Variants in PTPRM observed in about 807,000 individuals in gnomAD.
PTPRM encodes the protein protein tyrosine phosphatase receptor type M, also known as receptor-type tyrosine-protein phosphatase mu.
Under a neutral mutation model 186.7 loss-of-function variants are expected in PTPRM, and 47 were observed. The observed-to-expected ratio is 0.25, with a 90% CI of 0.20 to 0.32. PTPRM has a LOEUF of 0.32. Among genes scored for constraint, PTPRM ranks in the 10% least tolerant of loss-of-function variants. PTPRM has a pLI of 1.00. For synonymous variants in PTPRM, 668 were observed against 674.9 expected, an observed-to-expected ratio of 0.99 and a Z score of 0.16; for missense variants, 1,494 against 1,865.0, an observed-to-expected ratio of 0.80 and a Z score of 3.66.
chr18:7,674,918 T>A (rs1021919478), intron 1 of PTPRM, among the ~76,000 whole-genome samples: 1 of 152,224 alleles, frequency 6.6e-6, no homozygotes, highest in African/African-American at 2.4e-5. Context: ...TCAGTCCCAG[T>A]GTTTCAAACG....
intron 31 of PTPRM, among the ~76,000 whole-genome samples, chr18:8,390,581 G>C (rs995388069): frequency 1.3e-5 from 2 of 152,152 alleles, no homozygotes; most frequent in Non-Finnish European, 2.9e-5. Context: ...GAAAATGATA[G>C]ACAACTCAAT....
chr18:7,827,910 T>C (rs908814079), intron 2 of PTPRM, among the ~76,000 whole-genome samples: 3 of 152,222 alleles, frequency 2.0e-5, no homozygotes, highest in Non-Finnish European at 4.4e-5. Flanking sequence ...TACAGGGCTA[T>C]TTACCAGACA....
At position 7,607,487 on chromosome 18, in the gene PTPRM, T is replaced by C. The variant is rs1305096593; in HGVS notation, c.73+39596T>C. 2.6e-5 allele frequency among the ~76,000 whole-genome samples: 4 copies of C among 152,148 alleles called. No individual in the cohort carries two copies. In the East Asian group the frequency reaches 7.7e-4, roughly 29 times the overall value. On this transcript the variant is annotated intron_variant, in intron 1 of 32. Coordinates refer to ENST00000580170, the MANE Select transcript of PTPRM (RefSeq NM_001105244.2). ...GGCTGGAGCTTGCACTCGGGAGCCG[T>C]ATTTCTGGGTTCAGATCTTGACACC...
intron 14 of PTPRM, among the ~76,000 whole-genome samples, chr18:8,226,078 T>G (rs1412874987): frequency 1.3e-5 from 2 of 152,140 alleles, no homozygotes; most frequent in African/African-American, 4.8e-5. Context: ...AATTATAAGA[T>G]GCCATCTTTT....
intron 19 of PTPRM, among the ~76,000 whole-genome samples, chr18:8,280,405 G>A (rs966346667): frequency 4.2e-5 from 2 of 47,778 alleles, no homozygotes; most frequent in African/African-American, 2.2e-4. Context: ...ATTTGTGGTC[G>A]GGGGTGGGGG....
At chr18:8,054,297 TA>T (rs2087737323) in intron 7 of PTPRM, among the ~76,000 whole-genome samples, 1 of 22,810 alleles carries the variant, frequency 4.4e-5, no homozygotes, top group African/African-American at 1.6e-4. Context: ...CTAGTAGTAG[TA>T]ATATATATAT....
At chr18:8,051,487 A>G (rs1227419006) in intron 7 of PTPRM, among the ~76,000 whole-genome samples, 3 of 152,170 alleles carry the variant, frequency 2.0e-5, no homozygotes, top group Admixed American at 1.3e-4. Context: ...ATTTTTATGT[A>G]AATTTTTCCT....
chr18:7,675,401 C>G (rs117650759), intron 1 of PTPRM, among the ~76,000 whole-genome samples: 2,031 of 152,208 alleles, frequency 0.013, 24 homozygotes, highest in Non-Finnish European at 0.023. Flanking sequence ...AGCCCTTGTT[C>G]CAGAGCACAC....
Position 7,669,738 on chromosome 18 carries a change from T to C in PTPRM, c.73+101847T>C, listed in dbSNP as rs192283627. 3.2e-3 allele frequency among the ~76,000 whole-genome samples: 486 copies of C among 152,230 alleles called. 5 individuals are homozygous for C. The highest frequency in any genetic ancestry group is 0.011 in the African/African-American group (465 of 41,520). ...CATGCTATCTTTTACTTTATTTTTT[T>C]TGAGACGGAGTTTTGCTCTTGTTGC... On this transcript the variant is annotated intron_variant, in intron 1 of 32. Transcript: ENST00000580170.
Position 8,126,004 on chromosome 18 carries a change from TATATATATATATATATATA to T in PTPRM, c.2167+11178_2167+11196del, listed in dbSNP as rs1198407963. 9.0e-3 allele frequency among the ~76,000 whole-genome samples: 331 copies of T among 36,930 alleles called. 26 individuals carry two copies. Among genetic ancestry groups the T allele is most frequent in the Non-Finnish European group, 0.01 (203 of 19,690 alleles). The allele number at this position is 36,930 out of a possible 152,430, so 24.2% of individuals were successfully genotyped here. A position where few individuals can be genotyped will look rare whatever the true frequency, so the allele number is the denominator to read the frequency against. On this transcript the variant is annotated intron_variant, in intron 13 of 32. Coordinates refer to ENST00000580170, the MANE Select transcript of PTPRM (RefSeq NM_001105244.2). ...ATATATATATATATATATATATATA[TATATATATATATATATATA>T]TATATTTTAAATCAGTAGACCTTTC...
In PTPRM at chr18:7,888,261, G is replaced by T; in HGVS notation, c.352G>T (p.Val118Leu). 6.2e-7 allele frequency: 1 copy of T among 1,614,116 alleles called. No individual in the cohort carries two copies. The highest frequency in any genetic ancestry group is 1.1e-5 in the South Asian group (1 of 91,076). ...NSPPGLLNVYVKVNNGPLGNP... is the reference protein window; with the variant it reads ...NSPPGLLNVYLKVNNGPLGNP... ...TCCTCCGGGGTTACTCAATGTCTAC[G>T]TGAAGGTCAATAACGGGCCACTGGG... The change falls in exon 3 of 33, where the codon GTG becomes TTG. Residue 118 changes from valine to leucine, a missense_variant. This residue lies in a region of PTPRM where 296 missense variants were observed against 345.5 expected (regional missense o/e 0.86). Transcript: ENST00000580170.
chr18:8,088,949 C>A, intron 11 of PTPRM, 98 bp downstream of exon 11: 1 of 913,640 alleles, frequency 1.1e-6, no homozygotes, highest in Non-Finnish European at 1.7e-6. Context: ...CTGCAAATCT[C>A]AGCCAGCATG....
chr18:8,182,082 A>C (rs1298575615), intron 14 of PTPRM, among the ~76,000 whole-genome samples: 1 of 152,162 alleles, frequency 6.6e-6, no homozygotes, highest in African/African-American at 2.4e-5. Flanking sequence ...CATGAAAGGA[A>C]ACTCCCTCAT....
At chr18:7,910,948 C>T (rs568620245) in intron 4 of PTPRM, among the ~76,000 whole-genome samples, 1 of 152,268 alleles carries the variant, frequency 6.6e-6, no homozygotes, top group East Asian at 1.9e-4. Context: ...GGCCACCACT[C>T]CTAGCCCTAG....
At chr18:8,335,310 A>G (rs2095432939) in intron 22 of PTPRM, among the ~76,000 whole-genome samples, 1 of 151,120 alleles carries the variant, frequency 6.6e-6, no homozygotes, top group Non-Finnish European at 1.5e-5. Flanking sequence ...GACTTCAACA[A>G]TGCTAGTCCT....
intron 14 of PTPRM, among the ~76,000 whole-genome samples, chr18:8,164,961 G>A (rs752873005): frequency 1.3e-5 from 2 of 151,958 alleles, no homozygotes; most frequent in Non-Finnish European, 1.5e-5. Context: ...TCAAAAGACC[G>A]AAACCATCCT....
At chr18:8,208,766 C>A (rs2093963555) in intron 14 of PTPRM, among the ~76,000 whole-genome samples, 2 of 152,186 alleles carry the variant, frequency 1.3e-5, no homozygotes, top group South Asian at 4.1e-4. Context: ...CCCACCTTGG[C>A]CCCCCAAAGT....
At chr18:8,040,884 TA>T (rs1179969581) in intron 7 of PTPRM, among the ~76,000 whole-genome samples, 2 of 152,228 alleles carry the variant, frequency 1.3e-5, no homozygotes, top group African/African-American at 4.8e-5. Flanking sequence ...TCTCCATTTT[TA>T]AAAAATTAAC....
intron 4 of PTPRM, among the ~76,000 whole-genome samples, chr18:7,916,712 CAT>C (rs1280070358): frequency 6.6e-6 from 1 of 152,114 alleles, no homozygotes; most frequent in African/African-American, 2.4e-5. Context: ...TATTTTGAAA[CAT>C]GTATACAATG....
Sources: allele counts gnomAD v4.1 joint callset (sites outside exome capture counted in the v4.1 genomes callset), GRCh38; gene constraint gnomAD v4.1.1; regional missense constraint gnomAD v4.1.1; transcripts MANE v1.5; gene names NCBI Gene and HGNC (gene_info 2026-07-23, HGNC 2026-07-21).